OR5K1: variants seen among roughly 807,000 people sequenced by gnomAD.
OR5K1 encodes olfactory receptor family 5 subfamily K member 1, also known as olfactory receptor 5K1.
OR5K1 carries 7 observed loss-of-function variants against 10.4 expected under a neutral mutation model. The ratio of observed to expected loss-of-function variants is 0.67; its 90% CI spans 0.38 to 1.26. The LOEUF (loss-of-function observed/expected upper bound fraction) is 1.26. Among genes scored for constraint, OR5K1 ranks in the 50% most tolerant of loss-of-function variants. The pLI is 0.02. For missense variants in OR5K1, 435 were observed against 366.2 expected (o/e 1.19, Z -1.53); for synonymous variants, 135 against 128.5 (o/e 1.05, Z -0.34).
intron 1 of OR5K1, among the ~76,000 whole-genome samples, chr3:98,465,618 C>T (rs1215151164): frequency 6.6e-6 from 1 of 151,944 alleles, no homozygotes; most frequent in African/African-American, 2.4e-5. Context: ...AACATCTTGC[C>T]ATTTTAATAG....
chr3:98,465,665 T>C (rs1334755677), intron 1 of OR5K1, among the ~76,000 whole-genome samples: 1 of 152,118 alleles, frequency 6.6e-6, no homozygotes, highest in African/African-American at 2.4e-5. Flanking sequence ...TTTTAAATTA[T>C]GTTTCTCTGA....
At chr3:98,468,466 A>T (rs187279380) in intron 1 of OR5K1, among the ~76,000 whole-genome samples, 433 of 152,058 alleles carry the variant, frequency 2.8e-3, no homozygotes, top group Non-Finnish European at 5.1e-3. Flanking sequence ...AAACTCTGTA[A>T]CCATTAAGAA....
rs1002305841 is a variant in OR5K1 at position 98,470,150 on chromosome 3, C to T, written c.574C>T (p.Pro192Ser). Residue 192 changes from proline to serine, a missense_variant, in exon 2 of 2, where the codon CCT becomes TCT. By Grantham distance (74) the Pro-to-Ser change is moderately conservative (BLOSUM62 -1). Transcript: ENST00000642057. ...LPLYRLSCVD[P>S]YINELVLFIF... ...CTTGTATAGACTCTCTTGTGTTGATCCTTATATCAATGAACTGGTTCTATT... is the reference window on the plus strand; with the variant it reads ...CTTGTATAGACTCTCTTGTGTTGATTCTTATATCAATGAACTGGTTCTATT... The T allele has an allele frequency of 1.9e-6, 3 of 1,613,448 alleles. No homozygotes were observed. Among genetic ancestry groups the T allele is most frequent in the Non-Finnish European group, 2.5e-6 (3 of 1,179,626 alleles).
Position 98,469,710 on chromosome 3 carries a change from T to A in OR5K1, c.134T>A (p.Leu45Ter), listed in dbSNP as rs200654905. 3.1e-6 allele frequency: 5 copies of A among 1,613,800 alleles called. No homozygotes were observed. In the Admixed American group the frequency reaches 8.3e-5, roughly 27 times the overall value. ...ATCACCGTGGTGGGGAATATTAGTTTGGTGGCACTGATATTTACACACCGT... is the reference window on the plus strand; with the variant it reads ...ATCACCGTGGTGGGGAATATTAGTTAGGTGGCACTGATATTTACACACCGT... ...YLITVVGNIS[L>*]VALIFTHRRL... Residue 45 changes from leucine (L) to a stop codon, truncating the protein, a stop_gained, in exon 2 of 2, where the codon TTG becomes TAG. Coordinates refer to ENST00000642057, the MANE Select transcript of OR5K1 (RefSeq NM_001004736.4). LOFTEE classifies it low-confidence loss of function (END_TRUNC).
chr3:98,467,844 A>C (rs1401731765), intron 1 of OR5K1, among the ~76,000 whole-genome samples: 1 of 142,438 alleles, frequency 7.0e-6, no homozygotes, highest in African/African-American at 2.6e-5. Flanking sequence ...TGTCGTCTGC[A>C]AACAGGGACA....
rs910135105 is a variant in OR5K1 at position 98,467,979 on chromosome 3, A to G, written c.-11-1587A>G. On this transcript the variant is annotated intron_variant, in intron 1 of 1. Coordinates refer to ENST00000642057, the MANE Select transcript of OR5K1 (RefSeq NM_001004736.4). ...AGAGAGGGCATCCCTATCTTGTGCC[A>G]GTTTTCAAAGGGAATGCTTCCAGTT... Among the ~76,000 whole-genome samples the G allele has an allele frequency of 4.6e-5, 7 of 152,056 alleles. No individual in the cohort carries two copies. The East Asian group carries it at 1.4e-3, about 29-fold the overall frequency.
chr3:98,466,363 G>A (rs934663884), intron 1 of OR5K1, among the ~76,000 whole-genome samples: 6 of 110,646 alleles, frequency 5.4e-5, no homozygotes, highest in African/African-American at 8.5e-5. Flanking sequence ...AAACATACGT[G>A]TGCATGTGTC....
intron 1 of OR5K1, among the ~76,000 whole-genome samples, chr3:98,468,154 C>A (rs889607240): frequency 6.1e-4 from 93 of 152,124 alleles, no homozygotes; most frequent in African/African-American, 2.0e-3. Flanking sequence ...TCTGTCTCCT[C>A]CCCACTTCCG....
At chr3:98,463,402 T>C (rs1310555453) in intron 1 of OR5K1, 95 bp downstream of exon 1, 4 of 152,214 alleles carry the variant, frequency 2.6e-5, no homozygotes, top group Admixed American at 2.6e-4. Context: ...CTTAAAACTC[T>C]AATTTTTCAA....
chr3:98,464,132 C>G (rs918859708), intron 1 of OR5K1, among the ~76,000 whole-genome samples: 1 of 152,022 alleles, frequency 6.6e-6, no homozygotes, highest in South Asian at 2.1e-4. Context: ...GTGGCGCATG[C>G]CTGTAATTTC....
chr3:98,469,512 A>G (rs1705414672), intron 1 of OR5K1, 54 bp from the exon 2 acceptor site: 3 of 1,507,614 alleles, frequency 2.0e-6, no homozygotes, highest in Non-Finnish European at 2.7e-6. Flanking sequence ...AGAGACCTAA[A>G]TAACTGTGGC....
At chr3:98,463,963 A>G (rs1234691280) in intron 1 of OR5K1, among the ~76,000 whole-genome samples, 1 of 152,162 alleles carries the variant, frequency 6.6e-6, no homozygotes, top group Non-Finnish European at 1.5e-5. Context: ...ATTGATCTTA[A>G]AGGTACATCA....
At chr3:98,466,127 C>G (rs1374697085) in intron 1 of OR5K1, among the ~76,000 whole-genome samples, 1 of 150,774 alleles carries the variant, frequency 6.6e-6, no homozygotes, top group African/African-American at 2.4e-5. Context: ...CAATTCCCAC[C>G]TATGAGTGAG....
Position 98,470,510 on chromosome 3 carries a change from G to A in OR5K1, c.*7G>A. ...AATTCTGATGAAGAAATAATCTCAA[G>A]AAAGATGGAAACAAGTGACATCTAC... On this transcript the variant is annotated 3_prime_UTR_variant, in exon 2 of 2. Transcript: ENST00000642057. 6.7e-7 allele frequency: 1 copy of A among 1,489,098 alleles called. No individual in the cohort carries two copies. Among genetic ancestry groups the A allele is most frequent in the Non-Finnish European group, 9.2e-7 (1 of 1,081,352 alleles). The allele number at this position is 1,489,098 out of a possible 1,614,324, so 92.2% of individuals were successfully genotyped here.
intron 1 of OR5K1, among the ~76,000 whole-genome samples, chr3:98,468,733 T>G (rs4857390): frequency 1 from 151,896 of 152,148 alleles, 75,823 homozygotes; most frequent in Non-Finnish European, 1. Flanking sequence ...GGACATTTGG[T>G]TTGCTTCCAC....
chr3:98,469,746 C>T lies in OR5K1; in HGVS notation c.170C>T (p.Thr57Ile), dbSNP rs1161881586. Residue 57 changes from threonine to isoleucine, a missense_variant, in exon 2 of 2, where the codon ACA becomes ATA. Coordinates refer to ENST00000642057, the MANE Select transcript of OR5K1 (RefSeq NM_001004736.4). Reference protein sequence around the residue: ...ALIFTHRRLHTPMYIFLGNLA... With the variant: ...ALIFTHRRLHIPMYIFLGNLA... ...ATATTTACACACCGTCGGCTTCACA[C>T]ACCAATGTACATCTTTCTGGGAAAT... The T allele has an allele frequency of 6.2e-7, 1 of 1,613,830 alleles. No individual in the cohort carries two copies. The highest frequency in any genetic ancestry group is 2.2e-5 in the East Asian group (1 of 44,860).
intron 1 of OR5K1, among the ~76,000 whole-genome samples, chr3:98,465,885 T>G (rs1335417964): frequency 1.7e-5 from 1 of 58,744 alleles, no homozygotes. Flanking sequence ...ATAAATAAAT[T>G]TGTCTTTTTT....
chr3:98,469,761 T>C lies in OR5K1; in HGVS notation c.185T>C (p.Phe62Ser). Residue 62 changes from phenylalanine to serine, a missense_variant, in exon 2 of 2, where the codon TTT becomes TCT. Phe to Ser is a radical substitution (Grantham distance 155). Transcript: ENST00000642057. Reference protein sequence around the residue: ...HRRLHTPMYIFLGNLALVDSC... With the variant: ...HRRLHTPMYISLGNLALVDSC... ...CGGCTTCACACACCAATGTACATCT[T>C]TCTGGGAAATCTGGCTCTTGTGGAT... is the stretch of plus-strand genomic sequence containing the variant. 3.1e-6 allele frequency: 5 copies of C among 1,613,792 alleles called. No homozygotes were observed. The highest frequency in any genetic ancestry group is 4.2e-6 in the Non-Finnish European group (5 of 1,179,814).
intron 1 of OR5K1, 77 bp downstream of exon 1, chr3:98,463,384 G>GT (rs933491156): frequency 6.6e-6 from 1 of 151,950 alleles, no homozygotes; most frequent in African/African-American, 2.4e-5. Context: ...GTTATTTAAG[G>GT]TTTTTTTCTT....
Sources: gnomAD v4.1 joint callset for allele counts (sites outside exome capture counted in the v4.1 genomes callset) on GRCh38, gnomAD v4.1.1 for gene constraint, MANE v1.5 for transcripts, NCBI Gene and HGNC (gene_info 2026-07-23, HGNC 2026-07-21) for gene names.